The following VRK1 variants were observed in gnomAD, a reference collection of about 807,000 sequenced individuals.
VRK1 encodes VRK serine/threonine kinase 1.
VRK1 carries 33 observed loss-of-function variants against 57.1 expected under a neutral mutation model. That is an observed-to-expected ratio of 0.58 (90% CI 0.44 to 0.77). The LOEUF (loss-of-function observed/expected upper bound fraction) is 0.77. VRK1 is among the 30% of genes least tolerant of loss of function. VRK1 has a pLI of 0.00. For missense variants in VRK1, 413 were observed against 477.3 expected (o/e 0.87, Z 1.25); for synonymous variants, 137 against 147.8 (o/e 0.93, Z 0.53).
At chr14:96,873,095 G>C (rs1431290859) in intron 11 of VRK1, among the ~76,000 whole-genome samples, 1 of 152,154 alleles carries the variant, frequency 6.6e-6, no homozygotes, top group Non-Finnish European at 1.5e-5. Context: ...GCCCGAGTAC[G>C]CATCTCTTAG....
intron 12 of VRK1, chr14:96,877,322 C>T: frequency 6.0e-6 from 2 of 335,094 alleles, no homozygotes; most frequent in South Asian, 5.1e-5. Flanking sequence ...ATGGTTAGAA[C>T]ATCCTTTGGT....
chr14:96,824,467 A>G (rs1161251347), intron 1 of VRK1, among the ~76,000 whole-genome samples: 4 of 152,262 alleles, frequency 2.6e-5, no homozygotes, highest in East Asian at 3.9e-4. Context: ...ATTTCATAGC[A>G]TGGAAGTCAC....
intron 1 of VRK1, among the ~76,000 whole-genome samples, chr14:96,818,344 G>A (rs1310287271): frequency 3.3e-5 from 5 of 152,016 alleles, no homozygotes; most frequent in Admixed American, 2.6e-4. Context: ...ATAACCTAAC[G>A]TTGATCACTT....
intron 11 of VRK1, among the ~76,000 whole-genome samples, chr14:96,868,922 A>G (rs1026928497): frequency 6.6e-6 from 1 of 151,722 alleles, no homozygotes; most frequent in Non-Finnish European, 1.5e-5. Flanking sequence ...CAGCCTCCCA[A>G]GTAGCTGGGA....
At chr14:96,876,403 T>A (rs1889033555) in intron 12 of VRK1, among the ~76,000 whole-genome samples, 1 of 152,104 alleles carries the variant, frequency 6.6e-6, no homozygotes, top group African/African-American at 2.4e-5. Context: ...TGGTGACTGA[T>A]GTGTGCCTGT....
chr14:96,813,271 T>C (rs985596967), intron 1 of VRK1, among the ~76,000 whole-genome samples: 3 of 152,194 alleles, frequency 2.0e-5, no homozygotes, highest in African/African-American at 7.2e-5. Flanking sequence ...TACTTTCTTT[T>C]GCATATAGGC....
intron 11 of VRK1, among the ~76,000 whole-genome samples, chr14:96,861,860 G>T (rs1385458022): frequency 2.0e-5 from 3 of 152,156 alleles, no homozygotes; most frequent in East Asian, 3.9e-4. Flanking sequence ...GGGTAAAATG[G>T]AAGCCTGAGT....
intron 1 of VRK1, among the ~76,000 whole-genome samples, chr14:96,815,734 A>C: frequency 6.6e-6 from 1 of 151,786 alleles, no homozygotes; most frequent in Non-Finnish European, 1.5e-5. Context: ...AAAAAAAAGA[A>C]ACAGAACAAA....
At chr14:96,807,990 TCTCC>T (rs1885954833) in intron 1 of VRK1, among the ~76,000 whole-genome samples, 2 of 56,244 alleles carry the variant, frequency 3.6e-5, no homozygotes, top group African/African-American at 1.2e-4. Flanking sequence ...TCTCTCCCTC[TCTCC>T]CTCTCTCCCT....
chr14:96,872,413 C>G (rs991779616), intron 11 of VRK1, among the ~76,000 whole-genome samples: 1 of 152,098 alleles, frequency 6.6e-6, no homozygotes, highest in Non-Finnish European at 1.5e-5. Flanking sequence ...TGAGGAAAAC[C>G]ATAGTCCTTG....
At chr14:96,873,199 T>A (rs75289218) in intron 11 of VRK1, among the ~76,000 whole-genome samples, 8,428 of 152,182 alleles carry the variant, frequency 0.055, 306 homozygotes, top group Middle Eastern at 0.13. Flanking sequence ...AAAGAATTGG[T>A]CTTTGGTTTT....
intron 1 of VRK1, among the ~76,000 whole-genome samples, chr14:96,798,220 C>T (rs1056904489): frequency 2.6e-5 from 4 of 152,206 alleles, no homozygotes; most frequent in Non-Finnish European, 5.9e-5. Context: ...CTGTCCTTAC[C>T]TGGCAGGGTG....
chr14:96,860,611 C>T lies in VRK1; in HGVS notation c.944C>T (p.Pro315Leu), dbSNP rs761494436. The T allele has an allele frequency of 6.2e-7, 1 of 1,612,942 alleles. No individual in the cohort carries two copies. The part of the protein sequence containing the change: ...TVKLLDYTEK[P>L]LYENLRDILL... ...AAATTACTAGACTACACTGAAAAAC[C>T]TCTTTATGAAAATTTACGTGACATT... The change falls in exon 11 of 13, where the codon CCT becomes CTT. Residue 315 changes from proline (P) to leucine (L), a missense_variant. Coordinates refer to ENST00000216639, the MANE Select transcript of VRK1 (RefSeq NM_003384.3).
chr14:96,805,808 A>ATT (rs1035901038), intron 1 of VRK1, among the ~76,000 whole-genome samples: 4 of 152,184 alleles, frequency 2.6e-5, no homozygotes, highest in African/African-American at 9.7e-5. Context: ...GGCAGTGTTA[A>ATT]AAGCTTTCAT....
intron 1 of VRK1, among the ~76,000 whole-genome samples, chr14:96,827,318 T>A (rs2139734057): frequency 6.6e-6 from 1 of 152,274 alleles, no homozygotes; most frequent in South Asian, 2.1e-4. Flanking sequence ...ATTTTGTCAG[T>A]AGAAGGTGAG....
intron 1 of VRK1, among the ~76,000 whole-genome samples, chr14:96,811,460 G>A (rs951590493): frequency 1.3e-5 from 2 of 152,198 alleles, no homozygotes; most frequent in African/African-American, 4.8e-5. Context: ...AGAGTTTCAT[G>A]AATCAGCAGA....
intron 1 of VRK1, among the ~76,000 whole-genome samples, chr14:96,828,965 TTTAGATACA>T: frequency 6.6e-6 from 1 of 152,256 alleles, no homozygotes; most frequent in East Asian, 1.9e-4. Context: ...GGGAGTTTCA[TTTAGATACA>T]TTTTAAAGAA....
At chr14:96,842,106 T>C (rs1887486821) in intron 3 of VRK1, among the ~76,000 whole-genome samples, 1 of 152,170 alleles carries the variant, frequency 6.6e-6, no homozygotes, top group African/African-American at 2.4e-5. Context: ...ATAAAGCTTG[T>C]TTTCCCTATG....
chr14:96,834,166 ATTATG>A (rs1193291494), intron 2 of VRK1, among the ~76,000 whole-genome samples: 1 of 152,152 alleles, frequency 6.6e-6, no homozygotes, highest in Non-Finnish European at 1.5e-5. Context: ...GAATCCTGAA[ATTATG>A]TTAGGTTAAC....
Sources: allele counts gnomAD v4.1 joint callset (sites outside exome capture counted in the v4.1 genomes callset), GRCh38; gene constraint gnomAD v4.1.1; transcripts MANE v1.5; gene names NCBI Gene and HGNC (gene_info 2026-07-23, HGNC 2026-07-21).